ADGRF3: variants seen among roughly 807,000 people sequenced by gnomAD.
The protein encoded by ADGRF3 is adhesion G protein-coupled receptor F3.
In ADGRF3, 85 loss-of-function variants were observed where a neutral mutation model predicts 93.2. That is an observed-to-expected ratio of 0.91 (90% CI 0.77 to 1.09). The LOEUF is 1.09. ADGRF3 is among the 50% of genes least tolerant of loss of function. ADGRF3 has a pLI of 0.00. For synonymous variants in ADGRF3, 534 were observed against 532.5 expected (o/e 1.00, Z -0.04); for missense variants, 1,125 against 1,246.2 (o/e 0.90, Z 1.46).
At position 26,330,391 on chromosome 2, in the gene ADGRF3, G is replaced by A. The variant is rs571682153; in HGVS notation, c.115-12829C>T. 2.7e-4 allele frequency among the ~76,000 whole-genome samples: 41 copies of A among 152,122 alleles called. No homozygotes were observed. The South Asian group carries it at 8.3e-3, about 31-fold the overall frequency. On this transcript the variant is annotated intron_variant, in intron 1 of 13. Transcript: ENST00000651242. ...CATTCTAGTACTTTCTGATTCCCTG[G>A]GACTCCTCTTTTTGGTTCTCTGGCC...
chr2:26,311,513 C>T lies in ADGRF3; in HGVS notation c.2011G>A (p.Ala671Thr), dbSNP rs1249687021. The T allele has an allele frequency of 6.2e-7, 1 of 1,613,986 alleles. No homozygotes were observed. The highest frequency in any genetic ancestry group is 8.5e-7 in the Non-Finnish European group (1 of 1,179,864). ...CACTGAGCAGTGGGGCTGGCACTGG[C>T]CACCTGTGCCTGGCACCCTTCTTTG... ...WSKEGCQAQV[A>T]SASPTAQCLC... Residue 671 changes from alanine (A) to threonine (T), a missense_variant, in exon 10 of 14, where the codon GCC becomes ACC. Ala to Thr is a moderately conservative substitution (Grantham distance 58). Transcript: ENST00000651242.
rs779469980 is a variant in ADGRF3, at chr2:26,309,122, G to A, written c.2994-15C>T. ...CATCTGTCTTCCTGTGAAAGAGCTT[G>A]CGGCTGGTGAGTGGATACTGAGCCC... On this transcript the variant is annotated splice_polypyrimidine_tract_variant and intron_variant, in intron 13 of 13. Coordinates refer to ENST00000651242, the MANE Select transcript of ADGRF3 (RefSeq NM_001321971.2). 2 of 1,614,054 alleles carry A rather than the reference G, an allele frequency of 1.2e-6. No homozygotes were observed. The highest frequency in any genetic ancestry group is 1.7e-5 in the Admixed American group (1 of 60,024).
chr2:26,312,220 CCTGTGA>C, intron 9 of ADGRF3, 146 bp from the exon 10 acceptor site: 1 of 822,078 alleles, frequency 1.2e-6, no homozygotes, highest in East Asian at 2.6e-5. Context: ...GGAAGACAGG[CCTGTGA>C]AGGGAGACTT....
chr2:26,336,333 T>TGTGTGTGTGTGTGTGA (rs1385222420), intron 1 of ADGRF3, among the ~76,000 whole-genome samples: 1 of 151,556 alleles, frequency 6.6e-6, no homozygotes, highest in Admixed American at 6.6e-5. Flanking sequence ...TGTGTGTGTG[T>TGTGTGTGTGTGTGTGA]GTGAGTGTGT....
Position 26,317,041 on chromosome 2 carries a change from A to G in ADGRF3, c.196T>C (p.Ser66Pro). 6.2e-7 allele frequency: 1 copy of G among 1,611,662 alleles called. No homozygotes were observed. The highest frequency in any genetic ancestry group is 8.5e-7 in the Non-Finnish European group (1 of 1,179,060). ...GGAAAGTCCAGATGTACATAGACGG[A>G]GACCAGCGCTGATTCTACAGGAGCA... The part of the protein sequence containing the change: ...ENGAGESALV[S>P]VYVHLDFPDK... Residue 66 changes from serine to proline, a missense_variant, in exon 3 of 14, where the codon TCC (serine) becomes CCC (proline). By Grantham distance (74) the Ser-to-Pro change is moderately conservative (BLOSUM62 -1). Transcript: ENST00000651242.
At chr2:26,335,652 T>TTC (rs1675998547) in intron 1 of ADGRF3, among the ~76,000 whole-genome samples, 1 of 150,132 alleles carries the variant, frequency 6.7e-6, no homozygotes, top group Admixed American at 6.7e-5. Context: ...GTTTTTTTTT[T>TTC]CCCATTTTTT....
intron 1 of ADGRF3, among the ~76,000 whole-genome samples, chr2:26,324,870 C>G (rs936559201): frequency 9.2e-5 from 14 of 152,174 alleles, no homozygotes; most frequent in African/African-American, 3.4e-4. Context: ...AATAGTATTT[C>G]TGTCTTTAGG....
chr2:26,327,387 A>C (rs1268129551), intron 1 of ADGRF3, among the ~76,000 whole-genome samples: 1 of 152,192 alleles, frequency 6.6e-6, no homozygotes, highest in Non-Finnish European at 1.5e-5. Context: ...CCTTCAGAGA[A>C]CCTGACTTCC....
chr2:26,342,825 C>T (rs1321385610), intron 1 of ADGRF3, among the ~76,000 whole-genome samples: 3 of 152,156 alleles, frequency 2.0e-5, no homozygotes, highest in Middle Eastern at 6.3e-3. Context: ...AATTTGGGAA[C>T]GAGGAAACAG....
Position 26,316,385 on chromosome 2 carries a change from G to C in ADGRF3, c.389C>G (p.Thr130Ser), listed in dbSNP as rs780966244. Residue 130 changes from threonine to serine, a missense_variant, in exon 4 of 14, where the codon ACC (threonine) becomes AGC (serine). Thr to Ser is a moderately conservative substitution (Grantham distance 58). Transcript: ENST00000651242. ...AGGAGGGTAATGGAGGCAGATGCTGGTGTTCCACTGGTAGCCAGAGAGGCA... is the reference window on the plus strand; with the variant it reads ...AGGAGGGTAATGGAGGCAGATGCTGCTGTTCCACTGGTAGCCAGAGAGGCA... ...CACLSGYQWN[T>S]SICLHYPPCQ... 6.4e-7 allele frequency: 1 copy of C among 1,551,838 alleles called. No homozygotes were observed. The highest frequency in any genetic ancestry group is 1.2e-5 in the South Asian group (1 of 84,064).
At chr2:26,336,722 T>TAAA (rs57691864) in intron 1 of ADGRF3, among the ~76,000 whole-genome samples, 3 of 22,082 alleles carry the variant, frequency 1.4e-4, no homozygotes, top group African/African-American at 1.3e-4. Context: ...TGAGACTCCA[T>TAAA]AAAAAAAAAA....
rs781185576 is a variant in ADGRF3, at chr2:26,310,718, T to C, written c.2806A>G (p.Ile936Val). Residue 936 changes from isoleucine to valine, a missense_variant, in exon 10 of 14, where the codon ATC (isoleucine) becomes GTC (valine). Transcript: ENST00000651242. Reference protein sequence around the residue: ...LEEVSTVPHYIFTILNTLQGV... With the variant: ...LEEVSTVPHYVFTILNTLQGV... ...TGGAGGGTGTTGAGAATGGTGAAGA[T>C]GTAATGAGGGACCGTGGAGACTTCC... is the stretch of plus-strand genomic sequence containing the variant. 3.5e-5 allele frequency: 56 copies of C among 1,612,542 alleles called. 1 individual carries two copies. In the Middle Eastern group the frequency reaches 6.6e-3, roughly 190 times the overall value.
intron 1 of ADGRF3, among the ~76,000 whole-genome samples, chr2:26,331,975 TTTGAG>T (rs1453300226): frequency 1.3e-5 from 2 of 152,228 alleles, no homozygotes; most frequent in African/African-American, 2.4e-5. Context: ...ATTTCCCTGT[TTTGAG>T]TTAATTTCTT....
rs1186880224 is a variant in ADGRF3, at chr2:26,316,302, G to A, written c.472C>T (p.Pro158Ser). Residue 158 changes from proline to serine, a missense_variant, in exon 4 of 14, where the codon CCC (proline) becomes TCC (serine). Coordinates refer to ENST00000651242, the MANE Select transcript of ADGRF3 (RefSeq NM_001321971.2). ...CGCLVFSHPEPGYCQLLPPVP... is the reference protein window; with the variant it reads ...CGCLVFSHPESGYCQLLPPVP... ...GGTGGCAGCAACTGGCAGTACCCGG[G>A]TTCGGGATGGCTGAAGACAAGGCAG... The A allele has an allele frequency of 6.4e-7, 1 of 1,551,794 alleles. No homozygotes were observed.
chr2:26,313,352 G>T, intron 8 of ADGRF3, 25 bp downstream of exon 8: 1 of 1,542,896 alleles, frequency 6.5e-7, no homozygotes, highest in South Asian at 1.3e-5. Flanking sequence ...GAGGGGGCAC[G>T]TGGGCAGCAG....
At chr2:26,329,062 AC>A (rs1185604484) in intron 1 of ADGRF3, among the ~76,000 whole-genome samples, 8 of 152,270 alleles carry the variant, frequency 5.3e-5, no homozygotes, top group African/African-American at 1.9e-4. Context: ...CAATGTAATC[AC>A]AAGGGTCCTT....
At chr2:26,315,864 A>G (rs1199057988) in intron 4 of ADGRF3, 124 bp from the exon 5 acceptor site, 33 of 1,414,268 alleles carry the variant, frequency 2.3e-5, no homozygotes, top group Non-Finnish European at 2.9e-5. Flanking sequence ...TAGCTTTTTA[A>G]CTTTTTCTTT....
chr2:26,343,031 C>A (rs1328050643), intron 1 of ADGRF3, among the ~76,000 whole-genome samples: 1 of 152,142 alleles, frequency 6.6e-6, no homozygotes, highest in East Asian at 1.9e-4. Context: ...CAGTAGTGTA[C>A]ATAATTATAT....
intron 1 of ADGRF3, chr2:26,318,236 A>G (rs951702108): frequency 2.3e-5 from 15 of 650,506 alleles, no homozygotes; most frequent in Admixed American, 2.2e-4. Flanking sequence ...GTCTATATGC[A>G]CCTGCGTGTG....
Sources: allele counts gnomAD v4.1 joint callset (sites outside exome capture counted in the v4.1 genomes callset), GRCh38; gene constraint gnomAD v4.1.1; transcripts MANE v1.5; gene names NCBI Gene and HGNC (gene_info 2026-07-23, HGNC 2026-07-21).